Variants in TNR observed in about 807,000 individuals in gnomAD.
TNR encodes tenascin-R.
A neutral mutation model predicts 150.4 loss-of-function variants in TNR; 45 were observed. The observed-to-expected ratio is 0.30, with a 90% CI of 0.24 to 0.38. TNR has a LOEUF of 0.38. TNR is among the 10% of genes least tolerant of loss of function. The probability of loss-of-function intolerance (pLI) is 1.00; values close to 1 mark genes in which losing one functional copy is unlikely to be tolerated. For synonymous variants in TNR, 687 were observed against 678.4 expected, an observed-to-expected ratio of 1.01 and a Z score of -0.20; for missense variants, 1,544 against 1,759.1, an observed-to-expected ratio of 0.88 and a Z score of 2.19.
chr1:175,530,343 C>G (rs139888355), intron 1 of TNR, among the ~76,000 whole-genome samples: 1 of 152,158 alleles, frequency 6.6e-6, no homozygotes, highest in Non-Finnish European at 1.5e-5. Context: ...CACACACACC[C>G]GCCTCTCTTT....
intron 1 of TNR, among the ~76,000 whole-genome samples, chr1:175,657,780 G>A (rs1301708340): frequency 1.2e-5 from 1 of 86,794 alleles, no homozygotes; most frequent in Non-Finnish European, 2.1e-5. Flanking sequence ...TGGGGTGGGG[G>A]GAGGGATAGC....
In TNR at chr1:175,696,377, G is replaced by A. The variant is rs193007771; in HGVS notation, c.-165+46849C>T. 2.2e-3 allele frequency among the ~76,000 whole-genome samples: 328 copies of A among 152,144 alleles called. 1 individual carries two copies. Among genetic ancestry groups the A allele is most frequent in the Non-Finnish European group, 3.5e-3 (240 of 67,998 alleles). On this transcript the variant is annotated intron_variant, in intron 1 of 22. Coordinates refer to ENST00000367674, the MANE Select transcript of TNR (RefSeq NM_003285.3). ...CAATTAGAGAGGTTTAACACGTGGA[G>A]AGCAGGGTGGGCAGAGAGAAAATGG...
intron 2 of TNR, among the ~76,000 whole-genome samples, chr1:175,441,396 A>T (rs1655782876): frequency 6.6e-6 from 1 of 152,218 alleles, no homozygotes; most frequent in African/African-American, 2.4e-5. Flanking sequence ...TTCACAGTGT[A>T]TGCATATAGT....
intron 2 of TNR, among the ~76,000 whole-genome samples, chr1:175,407,396 A>T (rs1202398141): frequency 1.3e-5 from 2 of 152,190 alleles, no homozygotes; most frequent in East Asian, 3.8e-4. Context: ...TCTTGTCAGT[A>T]TAGTCCTCAT....
intron 2 of TNR, among the ~76,000 whole-genome samples, chr1:175,495,703 C>G (rs1658458212): frequency 6.6e-6 from 1 of 152,208 alleles, no homozygotes; most frequent in Non-Finnish European, 1.5e-5. Flanking sequence ...GCCATTCCCT[C>G]AAGACACATC....
intron 18 of TNR, among the ~76,000 whole-genome samples, chr1:175,346,605 G>T (rs956622570): frequency 6.6e-6 from 1 of 152,054 alleles, no homozygotes; most frequent in Non-Finnish European, 1.5e-5. Context: ...TACAGATGCA[G>T]TAGAGATAAT....
intron 1 of TNR, among the ~76,000 whole-genome samples, chr1:175,601,959 A>T (rs1160819024): frequency 6.6e-6 from 1 of 152,146 alleles, no homozygotes; most frequent in South Asian, 2.1e-4. Context: ...TTCAGAGGAC[A>T]CACTTGGCCC....
chr1:175,486,933 G>GTC (rs1658042968), intron 2 of TNR, among the ~76,000 whole-genome samples: 1 of 152,194 alleles, frequency 6.6e-6, no homozygotes, highest in African/African-American at 2.4e-5. Flanking sequence ...TTTGAGAAGT[G>GTC]TCTGTTCATA....
rs755929507 is a variant in TNR, at chr1:175,665,256, A to C, written c.-165+77970T>G. 9.2e-5 allele frequency among the ~76,000 whole-genome samples: 14 copies of C among 152,160 alleles called. No individual in the cohort carries two copies. The South Asian group carries it at 1.0e-3, about 11-fold the overall frequency. ...TTGGATGAGGTGACTTGATTTCTAA[A>C]GTGTCTTTGAGTCCTGGTATACTAA... On this transcript the variant is annotated intron_variant, in intron 1 of 22. Coordinates refer to ENST00000367674, the MANE Select transcript of TNR (RefSeq NM_003285.3).
intron 1 of TNR, among the ~76,000 whole-genome samples, chr1:175,713,945 G>A (rs1667086870): frequency 6.6e-6 from 1 of 152,104 alleles, no homozygotes; most frequent in South Asian, 2.1e-4. Flanking sequence ...TGTGCTTTAT[G>A]TTTCTACCTA....
At chr1:175,560,802 T>C (rs936614441) in intron 1 of TNR, among the ~76,000 whole-genome samples, 3 of 152,214 alleles carry the variant, frequency 2.0e-5, no homozygotes, top group Admixed American at 2.0e-4. Flanking sequence ...TTTGTACAAG[T>C]TTTTTAAAAT....
intron 1 of TNR, among the ~76,000 whole-genome samples, chr1:175,719,772 C>T (rs1424284785): frequency 6.6e-6 from 1 of 152,158 alleles, no homozygotes; most frequent in African/African-American, 2.4e-5. Context: ...CCTTTATTTC[C>T]CTACCTGCTG....
intron 1 of TNR, among the ~76,000 whole-genome samples, chr1:175,592,249 C>T (rs980738105): frequency 2.0e-5 from 3 of 152,174 alleles, no homozygotes; most frequent in South Asian, 2.1e-4. Flanking sequence ...ATTGTTAACT[C>T]GGGTGGTTAT....
At chr1:175,699,153 C>T (rs964754721) in intron 1 of TNR, among the ~76,000 whole-genome samples, 7 of 151,946 alleles carry the variant, frequency 4.6e-5, no homozygotes, top group African/African-American at 1.7e-4. Context: ...GGCTTGGATG[C>T]AGGATGTGAG....
intron 9 of TNR, among the ~76,000 whole-genome samples, chr1:175,371,379 T>C (rs1031660899): frequency 1.3e-5 from 2 of 152,204 alleles, no homozygotes; most frequent in African/African-American, 4.8e-5. Flanking sequence ...TTGGAACCCC[T>C]AAAGCACAGT....
chr1:175,636,075 T>G (rs1664483331), intron 1 of TNR, among the ~76,000 whole-genome samples: 1 of 152,100 alleles, frequency 6.6e-6, no homozygotes, highest in South Asian at 2.1e-4. Flanking sequence ...TACTATTCCC[T>G]CTACCTGATG....
intron 2 of TNR, among the ~76,000 whole-genome samples, chr1:175,432,645 C>G (rs1481177672): frequency 6.6e-6 from 1 of 151,960 alleles, no homozygotes; most frequent in Non-Finnish European, 1.5e-5. Context: ...CCCATTATTT[C>G]AAGGCTTGCT....
intron 1 of TNR, among the ~76,000 whole-genome samples, chr1:175,738,200 TCTTA>T: frequency 1.3e-5 from 2 of 152,286 alleles, no homozygotes; most frequent in South Asian, 4.1e-4. Flanking sequence ...AGTTTCCTTT[TCTTA>T]CTTGATTGGA....
At chr1:175,669,247 G>A (rs1665621849) in intron 1 of TNR, among the ~76,000 whole-genome samples, 2 of 152,222 alleles carry the variant, frequency 1.3e-5, no homozygotes, top group Non-Finnish European at 2.9e-5. Context: ...TGCTCCAGCT[G>A]GAACTCCCTT....
Sources: gnomAD v4.1 joint callset for allele counts (sites outside exome capture counted in the v4.1 genomes callset) on GRCh38, gnomAD v4.1.1 for gene constraint, MANE v1.5 for transcripts, NCBI Gene and HGNC (gene_info 2026-07-23, HGNC 2026-07-21) for gene names.